Variants in GFPT2 observed in about 807,000 individuals in gnomAD.
GFPT2 encodes glutamine--fructose-6-phosphate aminotransferase [isomerizing] 2.
Under a neutral mutation model 85.6 loss-of-function variants are expected in GFPT2, and 62 were observed. That is an observed-to-expected ratio of 0.72 (90% CI 0.59 to 0.90). GFPT2 has a LOEUF of 0.90. Among genes scored for constraint, GFPT2 ranks in the 40% least tolerant of loss-of-function variants. The pLI, the probability that GFPT2 is intolerant of heterozygous loss-of-function variation, is 0.00. For missense variants in GFPT2, 788 were observed against 893.4 expected (o/e 0.88, Z 1.50); for synonymous variants, 368 against 344.5 (o/e 1.07, Z -0.75).
At chr5:180,314,478 T>C (rs1361969148) in intron 13 of GFPT2, among the ~76,000 whole-genome samples, 11 of 152,240 alleles carry the variant, frequency 7.2e-5, no homozygotes. Context: ...AGAATAAAGC[T>C]AAACAGCTTC....
In GFPT2 at chr5:180,323,842, C is replaced by T. The variant is rs1034613588; in HGVS notation, c.794+346G>A. Among the ~76,000 whole-genome samples the T allele has an allele frequency of 6.6e-5, 10 of 152,198 alleles. No individual in the cohort carries two copies. Among genetic ancestry groups the T allele is most frequent in the African/African-American group, 1.2e-4 (5 of 41,448 alleles). On this transcript the variant is annotated intron_variant, in intron 9 of 18. Transcript: ENST00000253778. The surrounding 1 kb of genome is among the most constrained non-coding windows in gnomAD (Gnocchi z 4.0). The stretch of plus-strand genomic sequence containing the variant: ...TGAGAGAGGGCTGCACAGCATGCCC[C>T]GATCTGCTAGTTCTTCCAGAGAAGC...
In GFPT2 at chr5:180,338,669, G is replaced by A. The variant is rs927096649; in HGVS notation, c.8-69C>T. The A allele has an allele frequency of 6.3e-5, 58 of 920,226 alleles. No individual in the cohort carries two copies. The African/African-American group carries it at 8.9e-4, about 14-fold the overall frequency. The allele number at this position is 920,226 out of a possible 1,614,324, so 57.0% of individuals were successfully genotyped here. A position where few individuals can be genotyped will look rare whatever the true frequency, so the allele number is the denominator to read the frequency against. On this transcript the variant is annotated intron_variant, in intron 1 of 18. Transcript: ENST00000253778. ...TCGTGTTTGGAAGAAAACGCTTCTG[G>A]GGGATGCACCGAGGTGGCATCACAA... is the stretch of plus-strand genomic sequence containing the variant.
intron 17 of GFPT2, among the ~76,000 whole-genome samples, chr5:180,303,229 CAA>C (rs5873683): frequency 8.2e-4 from 97 of 118,692 alleles, no homozygotes; most frequent in East Asian, 6.1e-3. Flanking sequence ...GACTCCGTCA[CAA>C]AAAAAAAAAA....
chr5:180,312,716 T>A (rs1467263652), intron 14 of GFPT2, among the ~76,000 whole-genome samples, 172 bp from the exon 15 acceptor site: 1 of 152,188 alleles, frequency 6.6e-6, no homozygotes, highest in Non-Finnish European at 1.5e-5. Context: ...CCCGAGTAAC[T>A]GGGACTACAG....
rs554799988 is a variant in GFPT2, at chr5:180,340,486, G to A, written c.8-1886C>T. ...TTCCCAAAGTGCTGGGATTACAGGCGTGAGCCACCCTGCCTGGCCTGCAGG... is the reference window on the plus strand; with the variant it reads ...TTCCCAAAGTGCTGGGATTACAGGCATGAGCCACCCTGCCTGGCCTGCAGG... On this transcript the variant is annotated intron_variant, in intron 1 of 18. Transcript: ENST00000253778. Among the ~76,000 whole-genome samples the A allele has an allele frequency of 8.7e-5, 13 of 149,474 alleles. No homozygotes were observed. In the South Asian group the frequency reaches 1.9e-3, roughly 22 times the overall value.
intron 1 of GFPT2, among the ~76,000 whole-genome samples, chr5:180,346,688 T>C (rs1764615629): frequency 1.3e-5 from 2 of 152,216 alleles, no homozygotes; most frequent in Non-Finnish European, 2.9e-5. Flanking sequence ...CCCCCAGGCC[T>C]ATGCACATGT....
chr5:180,315,177 TTTTC>T (rs1200192861), intron 13 of GFPT2, among the ~76,000 whole-genome samples: 2 of 151,336 alleles, frequency 1.3e-5, no homozygotes, highest in African/African-American at 4.9e-5. Flanking sequence ...ACGTTTTTCT[TTTTC>T]TTTTTTTTTT....
In GFPT2 at chr5:180,311,542, G is replaced by A. The variant is rs572308534; in HGVS notation, c.1546+888C>T. Among the ~76,000 whole-genome samples, 4 of 152,344 alleles carry A rather than the reference G, an allele frequency of 2.6e-5. No individual in the cohort carries two copies. In the East Asian group the frequency reaches 7.7e-4, roughly 29 times the overall value. The stretch of plus-strand genomic sequence containing the variant: ...TGGTGGGGCTGCCAAGGAGCGCCTG[G>A]CATAGGAAGGACCTGGGGCCATTTG... On this transcript the variant is annotated intron_variant, in intron 15 of 18. Transcript: ENST00000253778.
At position 180,352,492 on chromosome 5, in the gene GFPT2, C is replaced by G. The variant is rs1247853826; in HGVS notation, c.7+719G>C. The stretch of plus-strand genomic sequence containing the variant: ...GCCGCCCTCCCCACGGTCCCGCAGC[C>G]ACGCGGGACAGCGCGGGAGCGCCGC... On this transcript the variant is annotated intron_variant, in intron 1 of 18. Coordinates refer to ENST00000253778, the MANE Select transcript of GFPT2 (RefSeq NM_005110.4). The G allele has an allele frequency of 1.1e-5, 5 of 449,962 alleles. No homozygotes were observed. The Middle Eastern group carries it at 1.1e-3, about 95-fold the overall frequency. 27.9% of individuals were successfully genotyped at this position (449,962 alleles called of 1,614,324 possible).
chr5:180,307,404 G>A (rs1428832687), intron 15 of GFPT2, 101 bp from the exon 16 acceptor site: 8 of 1,107,346 alleles, frequency 7.2e-6, no homozygotes, highest in South Asian at 1.4e-5. Context: ...TTTTGAAACC[G>A]CATCACTTAG....
In GFPT2 at chr5:180,313,909, G is replaced by A; in HGVS notation, c.1329C>T (p.Leu443=). The part of the protein sequence containing the change: ...ALRYCKDRGA[L]TVGVTNTVGS... ...CCACGGTGTTGGTGACGCCCACGGT[G>A]AGAGCGCCGCGGTCCTTACAGTAGC... is the stretch of plus-strand genomic sequence containing the variant. Residue 443 remains leucine (L), a synonymous_variant, in exon 14 of 19, where the codon CTC becomes CTT. Transcript: ENST00000253778. The A allele has an allele frequency of 6.2e-7, 1 of 1,606,580 alleles. No individual in the cohort carries two copies. Among genetic ancestry groups the A allele is most frequent in the Non-Finnish European group, 8.5e-7 (1 of 1,179,494 alleles).
chr5:180,328,459 G>C lies in GFPT2; in HGVS notation c.535-121C>G. On this transcript the variant is annotated intron_variant, in intron 6 of 18. Transcript: ENST00000253778. The surrounding 1 kb of genome is among the most constrained non-coding windows in gnomAD (Gnocchi z 5.4). ...GGCGGGAGGTCCTGGGGTCCCTCGG[G>C]GAGCTGAGTGCAGAACAGCGCATCC... The C allele has an allele frequency of 1.3e-6, 1 of 753,992 alleles. No individual in the cohort carries two copies. Among genetic ancestry groups the C allele is most frequent in the Non-Finnish European group, 2.3e-6 (1 of 425,768 alleles). 46.7% of individuals were successfully genotyped at this position (753,992 alleles called of 1,614,324 possible).
At chr5:180,304,002 G>A (rs1763730894) in intron 17 of GFPT2, among the ~76,000 whole-genome samples, 1 of 152,156 alleles carries the variant, frequency 6.6e-6, no homozygotes, top group Non-Finnish European at 1.5e-5. Flanking sequence ...AAGTGGGGCT[G>A]GCGACTGAGT....
At chr5:180,333,090 G>GTATT (rs907753543) in intron 4 of GFPT2, among the ~76,000 whole-genome samples, 2 of 152,050 alleles carry the variant, frequency 1.3e-5, no homozygotes, top group African/African-American at 2.4e-5. Flanking sequence ...TATTTTTTAT[G>GTATT]TATTTATTTA....
intron 1 of GFPT2, among the ~76,000 whole-genome samples, chr5:180,338,874 CG>C (rs1764453485): frequency 6.6e-6 from 1 of 152,176 alleles, no homozygotes; most frequent in African/African-American, 2.4e-5. Context: ...CAGCTTTCAG[CG>C]TGGCAATGTC....
rs12055278 is a variant in GFPT2, at chr5:180,306,691, C to T, written c.1674+485G>A. Among the ~76,000 whole-genome samples, 663 of 152,314 alleles carry T rather than the reference C, an allele frequency of 4.4e-3. 11 individuals carry two copies. Among genetic ancestry groups the T allele is most frequent in the East Asian group, 0.041 (213 of 5,166 alleles). On this transcript the variant is annotated intron_variant, in intron 16 of 18. Coordinates refer to ENST00000253778, the MANE Select transcript of GFPT2 (RefSeq NM_005110.4). ...TTTGAGGGGTAACAAGGAAACTCTG[C>T]GGAGAACCCACCCCTCAATTTTGGT... is the stretch of plus-strand genomic sequence containing the variant.
intron 17 of GFPT2, among the ~76,000 whole-genome samples, chr5:180,303,460 A>C (rs4425468): frequency 0.16 from 23,591 of 152,184 alleles, 2,045 homozygotes; most frequent in African/African-American, 0.22. Context: ...GCGCAATGAG[A>C]GTGGGACGCA....
At chr5:180,309,908 T>C (rs1391826443) in intron 15 of GFPT2, among the ~76,000 whole-genome samples, 1 of 151,636 alleles carries the variant, frequency 6.6e-6, no homozygotes, top group African/African-American at 2.4e-5. Flanking sequence ...CCTCCCAGGT[T>C]CACGCCATTC....
chr5:180,328,177 C>A lies in GFPT2; in HGVS notation c.596+100G>T. The A allele has an allele frequency of 2.2e-6, 2 of 904,510 alleles. No homozygotes were observed. Among genetic ancestry groups the A allele is most frequent in the East Asian group, 4.9e-5 (2 of 40,900 alleles). 56.0% of individuals were successfully genotyped at this position (904,510 alleles called of 1,614,324 possible). A position where few individuals can be genotyped will look rare whatever the true frequency, so the allele number is the denominator to read the frequency against. On this transcript the variant is annotated intron_variant, in intron 7 of 18. Coordinates refer to ENST00000253778, the MANE Select transcript of GFPT2 (RefSeq NM_005110.4). The surrounding 1 kb of genome is among the most constrained non-coding windows in gnomAD (Gnocchi z 5.4). ...GTTGTTCTTTAGACACCACGAGCAC[C>A]TTTCAGCGTGCCACAGGCCCTACCT...
Sources: gnomAD v4.1 joint callset for allele counts (sites outside exome capture counted in the v4.1 genomes callset) on GRCh38, gnomAD v4.1.1 for gene constraint, Gnocchi (gnomAD v3.1) non-coding constraint, MANE v1.5 for transcripts, NCBI Gene and HGNC (gene_info 2026-07-23, HGNC 2026-07-21) for gene names.